Variants in METTL5 observed in about 807,000 individuals in gnomAD.
METTL5 encodes methyltransferase 5, N6-adenosine.
In METTL5, 28 loss-of-function variants were observed where a neutral mutation model predicts 26.5. That is an observed-to-expected ratio of 1.06 (90% CI 0.78 to 1.45). The LOEUF (loss-of-function observed/expected upper bound fraction) is 1.45, where lower values mean the gene tolerates loss of function less well. Ranked by LOEUF, METTL5 falls within the 40% of genes most tolerant of loss-of-function variation. The pLI is 0.00. For synonymous variants in METTL5, 86 were observed against 82.6 expected (o/e 1.04, Z -0.22); for missense variants, 231 against 249.9 (o/e 0.92, Z 0.51).
intron 3 of METTL5, among the ~76,000 whole-genome samples, chr2:169,820,147 G>A (rs887347850): frequency 1.3e-5 from 2 of 152,022 alleles, no homozygotes; most frequent in Non-Finnish European, 2.9e-5. Context: ...AGTAGAGACG[G>A]GGTTTCTCCA....
chr2:169,820,906 T>TGA (rs2081574799), intron 3 of METTL5, among the ~76,000 whole-genome samples, 186 bp downstream of exon 3: 1 of 151,762 alleles, frequency 6.6e-6, no homozygotes, highest in Admixed American at 6.6e-5. Flanking sequence ...TGTGTGTGTG[T>TGA]GTGGGTAGAG....
At chr2:169,817,425 G>T (rs576098629) in intron 4 of METTL5, among the ~76,000 whole-genome samples, 1 of 152,254 alleles carries the variant, frequency 6.6e-6, no homozygotes, top group African/African-American at 2.4e-5. Context: ...GCCATCCCAT[G>T]ACTGGGTATA....
At chr2:169,821,804 A>G in intron 2 of METTL5, 139 bp downstream of exon 2, 1 of 664,536 alleles carries the variant, frequency 1.5e-6, no homozygotes, top group Non-Finnish European at 2.5e-6. Flanking sequence ...TCTTCTGCCC[A>G]TTCAAAATGT....
At chr2:169,813,083 A>T (rs72878187) in intron 5 of METTL5, 16,687 of 151,652 alleles carry the variant, frequency 0.11, 1,313 homozygotes, top group Admixed American at 0.19. Context: ...GATCTTGTTG[A>T]AATGCAGATT....
chr2:169,815,852 G>C (rs1305841059), intron 4 of METTL5, among the ~76,000 whole-genome samples: 5 of 152,134 alleles, frequency 3.3e-5, no homozygotes, highest in Non-Finnish European at 7.3e-5. Context: ...AATTGCTATT[G>C]CCTAATGATG....
At chr2:169,815,949 G>C (rs559778372) in intron 4 of METTL5, among the ~76,000 whole-genome samples, 1 of 152,184 alleles carries the variant, frequency 6.6e-6, no homozygotes, top group South Asian at 2.1e-4. Flanking sequence ...TGTTACAATT[G>C]CCTGTAGTAT....
intron 4 of METTL5, among the ~76,000 whole-genome samples, chr2:169,817,765 G>C (rs945387505): frequency 2.6e-5 from 4 of 151,664 alleles, no homozygotes; most frequent in East Asian, 1.9e-4. Flanking sequence ...GGGCCTGTTG[G>C]GGGGTGGGGG....
chr2:169,814,945 AC>A (rs1462599916), intron 5 of METTL5, among the ~76,000 whole-genome samples: 1 of 150,986 alleles, frequency 6.6e-6, no homozygotes, highest in Non-Finnish European at 1.5e-5. Context: ...AGGCTGAAGA[AC>A]AGTGGTGCGA....
rs778103892 is a variant in METTL5, at chr2:169,822,000, G to C, written c.167C>G (p.Ala56Gly). Reference protein sequence around the residue: ...TYDDIENKVVADLGCGCGVLS... With the variant: ...TYDDIENKVVGDLGCGCGVLS... ...TACTCCACAACCACATCCTAGATCT[G>C]CAACGACTTTATTTTCAATGTCATC... The change falls in exon 2 of 7, where the codon GCA becomes GGA. Residue 56 changes from alanine (A) to glycine (G), a missense_variant. By Grantham distance (60) the Ala-to-Gly change is moderately conservative. Coordinates refer to ENST00000260953, the MANE Select transcript of METTL5 (RefSeq NM_014168.4). The C allele has an allele frequency of 1.2e-6, 2 of 1,612,934 alleles. No individual in the cohort carries two copies. Among genetic ancestry groups the C allele is most frequent in the South Asian group, 2.2e-5 (2 of 91,046 alleles).
At chr2:169,822,916 C>T (rs773776736) in intron 1 of METTL5, among the ~76,000 whole-genome samples, 1 of 152,180 alleles carries the variant, frequency 6.6e-6, no homozygotes, top group Non-Finnish European at 1.5e-5. Flanking sequence ...CCACCACCAC[C>T]GATATTTCCC....
Position 169,821,147 on chromosome 2 carries a change from G to A in METTL5, c.351C>T (p.Ser117=), listed in dbSNP as rs758963766. The change falls in exon 3 of 7, where the codon TCC becomes TCT. Residue 117 remains serine, a synonymous_variant. Coordinates refer to ENST00000260953, the MANE Select transcript of METTL5 (RefSeq NM_014168.4). ...TCATAATTACTGTATCGAATGACTT[G>A]GACATTCTGTTAGATAATAAGCACA... The part of the protein sequence containing the change: ...CDVCLLSNRM[S]KSFDTVIMNP... 3.7e-6 allele frequency: 6 copies of A among 1,610,738 alleles called. No homozygotes were observed. In the South Asian group the frequency reaches 6.7e-5, roughly 18 times the overall value.
At chr2:169,818,624 A>T (rs1183535443) in intron 4 of METTL5, among the ~76,000 whole-genome samples, 2 of 152,202 alleles carry the variant, frequency 1.3e-5, no homozygotes, top group Admixed American at 1.3e-4. Context: ...TATGCTTTTT[A>T]AAAGGTTATC....
chr2:169,822,254 C>T (rs1326934662), intron 1 of METTL5, among the ~76,000 whole-genome samples, 197 bp from the exon 2 acceptor site: 1 of 152,006 alleles, frequency 6.6e-6, no homozygotes. Flanking sequence ...AGCTAATACC[C>T]ACCAGTGTTT....
chr2:169,818,666 C>A (rs1022497001), intron 4 of METTL5, among the ~76,000 whole-genome samples: 6 of 152,076 alleles, frequency 3.9e-5, no homozygotes, highest in Non-Finnish European at 8.8e-5. Flanking sequence ...GTATTATTTC[C>A]AACTGGGTTC....
intron 5 of METTL5, 81 bp downstream of exon 5, chr2:169,815,396 C>T: frequency 1.1e-6 from 1 of 939,868 alleles, no homozygotes; most frequent in Non-Finnish European, 1.7e-6. Context: ...CATAGTTTAT[C>T]TTCTCAGCAC....
Position 169,824,678 on chromosome 2 carries a change from C to G in METTL5, c.-81G>C. ...CTATTGAACTGGGATCTTGTTTCCT[C>G]CCTACCCCCAACCTTCTCCCTTTTT... On this transcript the variant is annotated 5_prime_UTR_variant, in exon 1 of 7. Coordinates refer to ENST00000260953, the MANE Select transcript of METTL5 (RefSeq NM_014168.4). 8.7e-7 allele frequency: 1 copy of G among 1,148,072 alleles called. No homozygotes were observed. The highest frequency in any genetic ancestry group is 1.3e-6 in the Non-Finnish European group (1 of 759,146). 71.1% of individuals were successfully genotyped at this position (1,148,072 alleles called of 1,614,324 possible). A position where few individuals can be genotyped will look rare whatever the true frequency, so the allele number is the denominator to read the frequency against.
At chr2:169,812,353 GC>G (rs1158495994) in intron 6 of METTL5, 103 bp downstream of exon 6, 3 of 1,601,302 alleles carry the variant, frequency 1.9e-6, no homozygotes, top group Non-Finnish European at 2.6e-6. Context: ...CGATTCTCTT[GC>G]CTCAGCCTCC....
At chr2:169,811,939 GTT>G in intron 6 of METTL5, 81 bp from the exon 7 acceptor site, 1 of 1,464,086 alleles carries the variant, frequency 6.8e-7, no homozygotes, top group East Asian at 2.3e-5. Flanking sequence ...GTATTGTTCT[GTT>G]TGTGTTATTT....
chr2:169,821,364 T>A, intron 2 of METTL5, 91 bp from the exon 3 acceptor site: 1 of 944,632 alleles, frequency 1.1e-6, no homozygotes, highest in Non-Finnish European at 1.6e-6. Context: ...TTAAACCATA[T>A]ATCTTTTTAA....
Sources: gnomAD v4.1 joint callset for allele counts (sites outside exome capture counted in the v4.1 genomes callset) on GRCh38, gnomAD v4.1.1 for gene constraint, MANE v1.5 for transcripts, NCBI Gene and HGNC (gene_info 2026-07-23, HGNC 2026-07-21) for gene names.